The following WDFY4 variants were observed in gnomAD, a reference collection of about 807,000 sequenced individuals.
WDFY4 encodes WDFY family member 4, also known as WD repeat- and FYVE domain-containing protein 4.
In WDFY4, 169 loss-of-function variants were observed where a neutral mutation model predicts 351.9. That is an observed-to-expected ratio of 0.48 (90% CI 0.42 to 0.55). WDFY4 has a LOEUF of 0.55. Ranked by LOEUF, WDFY4 falls within the 20% of genes least tolerant of loss-of-function variation. The probability of loss-of-function intolerance (pLI) is 0.00; values close to 1 mark genes in which losing one functional copy is unlikely to be tolerated. For missense variants in WDFY4, 3,803 were observed against 3,935.6 expected (o/e 0.97, Z 0.90); for synonymous variants, 1,622 against 1,574.6 (o/e 1.03, Z -0.71).
At chr10:48,713,515 T>G (rs1351671903) in intron 2 of WDFY4, among the ~76,000 whole-genome samples, 1 of 152,226 alleles carries the variant, frequency 6.6e-6, no homozygotes. Context: ...CCCCACTGCC[T>G]CTTGAGTTGA....
At chr10:48,781,203 G>A (rs551940514) in intron 19 of WDFY4, among the ~76,000 whole-genome samples, 1 of 152,014 alleles carries the variant, frequency 6.6e-6, no homozygotes, top group Non-Finnish European at 1.5e-5. Flanking sequence ...ATCAAAAAAA[G>A]GCAGTGATGA....
chr10:48,821,254 G>T (rs1361054972), intron 34 of WDFY4, 78 bp downstream of exon 34: 3 of 1,175,622 alleles, frequency 2.6e-6, no homozygotes, highest in Non-Finnish European at 3.7e-6. Flanking sequence ...ATGCTGGCCA[G>T]GAACTGACCC....
At chr10:48,977,527 T>C (rs1842627626) in intron 59 of WDFY4, among the ~76,000 whole-genome samples, 1 of 152,122 alleles carries the variant, frequency 6.6e-6, no homozygotes, top group Admixed American at 6.5e-5. Context: ...ACCTAGGCAG[T>C]CCCCTCATAG....
At chr10:48,899,927 G>A (rs1212544893) in intron 45 of WDFY4, among the ~76,000 whole-genome samples, 1 of 152,288 alleles carries the variant, frequency 6.6e-6, no homozygotes, top group African/African-American at 2.4e-5. Flanking sequence ...GTCTGAGGAT[G>A]GCATGGGTGC....
rs190274930 is a variant in WDFY4 at position 48,806,071 on chromosome 10, G to A, written c.4714G>A (p.Gly1572Arg). The change falls in exon 27 of 62, where the codon GGA becomes AGA. Residue 1572 changes from glycine to arginine, a missense_variant. Gly to Arg is a moderately radical substitution (Grantham distance 125). Around this residue, in one of 3 missense-constraint regions of WDFY4, gnomAD observed 3,054 missense variants for 3,148.6 expected, o/e 0.97. Coordinates refer to ENST00000325239, the MANE Select transcript of WDFY4 (RefSeq NM_001394531.1). ...SVNERQICMD[G>R]ALDPSLPAGS... ...GAATGAGAGGCAGATCTGCATGGACGGAGCCCTGGACCCTTCCCTGCCTGG... is the reference window on the plus strand; with the variant it reads ...GAATGAGAGGCAGATCTGCATGGACAGAGCCCTGGACCCTTCCCTGCCTGG... The A allele has an allele frequency of 2.0e-4, 318 of 1,551,662 alleles. 1 individual carries two copies. The East Asian group carries it at 5.4e-3, about 26-fold the overall frequency.
intron 15 of WDFY4, 106 bp from the exon 16 acceptor site, chr10:48,776,644 C>G (rs899622204): frequency 1.7e-5 from 20 of 1,173,500 alleles, no homozygotes; most frequent in Non-Finnish European, 2.0e-5. Context: ...GGTGACTGTG[C>G]GAAACTCTCT....
At position 48,687,782 on chromosome 10, in the gene WDFY4, T is replaced by A. The variant is rs1470089029; in HGVS notation, c.-18+2781T>A. ...GGTACATGCCACCACACCTGGCTAA[T>A]TTTTTTTTTTTTTTTTTGAGACAGA... On this transcript the variant is annotated intron_variant, in intron 1 of 61. Coordinates refer to ENST00000325239, the MANE Select transcript of WDFY4 (RefSeq NM_001394531.1). 7.3e-5 allele frequency among the ~76,000 whole-genome samples: 5 copies of A among 68,702 alleles called. No homozygotes were observed. The East Asian group carries it at 1.4e-3, about 19-fold the overall frequency. 45.1% of individuals were successfully genotyped at this position (68,702 alleles called of 152,430 possible). A position where few individuals can be genotyped will look rare whatever the true frequency, so the allele number is the denominator to read the frequency against.
In WDFY4 at chr10:48,774,485, G is replaced by T; in HGVS notation, c.2581G>T (p.Ala861Ser). ...QLSEEIQCSLASHIQSLVKSE... is the reference protein window; with the variant it reads ...QLSEEIQCSLSSHIQSLVKSE... ...TTCCGAGGAGATCCAGTGCTCCCTG[G>T]CCAGTCATATCCAGTCCCTGGTGAA... The change falls in exon 14 of 62, where the codon GCC (alanine) becomes TCC (serine). Residue 861 changes from alanine (A) to serine (S), a missense_variant. Around this residue, in one of 3 missense-constraint regions of WDFY4, gnomAD observed 3,054 missense variants for 3,148.6 expected, o/e 0.97. Coordinates refer to ENST00000325239, the MANE Select transcript of WDFY4 (RefSeq NM_001394531.1). The T allele has an allele frequency of 6.4e-7, 1 of 1,551,738 alleles. No individual in the cohort carries two copies. The highest frequency in any genetic ancestry group is 1.2e-5 in the South Asian group (1 of 84,066).
chr10:48,789,320 T>G (rs945626569), intron 21 of WDFY4, among the ~76,000 whole-genome samples: 5 of 152,254 alleles, frequency 3.3e-5, no homozygotes, highest in Non-Finnish European at 5.9e-5. Context: ...GATGAAAATT[T>G]GCAATTCGTT....
At chr10:48,900,428 C>G in intron 46 of WDFY4, 122 bp downstream of exon 46, 1 of 914,734 alleles carries the variant, frequency 1.1e-6, no homozygotes, top group Non-Finnish European at 1.6e-6. Context: ...GCCACTCAGG[C>G]TGGGCCCAGG....
Position 48,776,917 on chromosome 10 carries a change from C to T in WDFY4, c.3031C>T (p.Leu1011=), listed in dbSNP as rs912053774. The part of the protein sequence containing the change: ...SLISMTSPRN[L]QPQRAALAPS... ...CATCTCCATGACCTCCCCACGCAAC[C>T]TGCAGCCTCAGAGGGCAGCCCTGGC... Residue 1011 remains leucine, a synonymous_variant, in exon 16 of 62, where the codon CTG becomes TTG. Transcript: ENST00000325239. 2 of 1,552,154 alleles carry T rather than the reference C, an allele frequency of 1.3e-6. No individual in the cohort carries two copies. The highest frequency in any genetic ancestry group is 1.7e-6 in the Non-Finnish European group (2 of 1,147,120).
intron 8 of WDFY4, among the ~76,000 whole-genome samples, chr10:48,730,437 G>A (rs1247931299): frequency 6.6e-6 from 1 of 152,212 alleles, no homozygotes; most frequent in Admixed American, 6.5e-5. Context: ...TGTTATCTGA[G>A]GCAGAGAAGG....
At position 48,821,293 on chromosome 10, in the gene WDFY4, G is replaced by A. The variant is rs183823530; in HGVS notation, c.5824+117G>A. ...CTGTGGGATGCTGCCTCCACCTGGC[G>A]TCAGTCCCTCCAGGCATCATCAACA... On this transcript the variant is annotated intron_variant, in intron 34 of 61. Coordinates refer to ENST00000325239, the MANE Select transcript of WDFY4 (RefSeq NM_001394531.1). The A allele has an allele frequency of 5.9e-5, 46 of 780,080 alleles. No individual in the cohort carries two copies. The South Asian group carries it at 6.2e-4, about 10-fold the overall frequency. 48.3% of individuals were successfully genotyped at this position (780,080 alleles called of 1,614,324 possible). A position where few individuals can be genotyped will look rare whatever the true frequency, so the allele number is the denominator to read the frequency against.
chr10:48,781,587 C>T (rs1180412522), intron 19 of WDFY4, among the ~76,000 whole-genome samples: 1 of 152,124 alleles, frequency 6.6e-6, no homozygotes, highest in East Asian at 1.9e-4. Context: ...TGAGCCACTG[C>T]GCCTGGCTGA....
intron 2 of WDFY4, among the ~76,000 whole-genome samples, chr10:48,717,479 G>A (rs1395280826): frequency 2.6e-5 from 4 of 152,050 alleles, no homozygotes; most frequent in African/African-American, 9.7e-5. Flanking sequence ...AACATTTCAG[G>A]TAAACCAAGC....
intron 14 of WDFY4, 79 bp from the exon 15 acceptor site, chr10:48,775,633 G>T: frequency 1.5e-6 from 2 of 1,364,054 alleles, no homozygotes; most frequent in Non-Finnish European, 1.0e-6. Flanking sequence ...AGGCATCTAG[G>T]ACAGTTGTCA....
intron 47 of WDFY4, among the ~76,000 whole-genome samples, chr10:48,905,332 A>G (rs1837560332): frequency 6.6e-6 from 1 of 152,174 alleles, no homozygotes; most frequent in Non-Finnish European, 1.5e-5. Flanking sequence ...CCCCTCAGAA[A>G]TGATTGCCAG....
chr10:48,881,234 G>T (rs529054388), intron 43 of WDFY4, among the ~76,000 whole-genome samples: 2 of 152,258 alleles, frequency 1.3e-5, no homozygotes, highest in Non-Finnish European at 2.9e-5. Flanking sequence ...AAGAAGGGGC[G>T]TTGGAAGAAC....
chr10:48,966,148 G>C (rs1590009626), intron 54 of WDFY4, among the ~76,000 whole-genome samples: 1 of 152,186 alleles, frequency 6.6e-6, no homozygotes, highest in African/African-American at 2.4e-5. Flanking sequence ...GAAATAGGTT[G>C]AGCCAATAAA....
Sources: gnomAD v4.1 joint callset for allele counts (sites outside exome capture counted in the v4.1 genomes callset) on GRCh38, gnomAD v4.1.1 for gene constraint, gnomAD v4.1.1 regional missense constraint, MANE v1.5 for transcripts, NCBI Gene and HGNC (gene_info 2026-07-23, HGNC 2026-07-21) for gene names.